Variants in AFF2 observed in about 807,000 individuals in gnomAD.
The protein encoded by AFF2 is AF4/FMR2 family member 2.
AFF2 carries 14 observed loss-of-function variants against 76.9 expected under a neutral mutation model. That is an observed-to-expected ratio of 0.18 (90% CI 0.12 to 0.28). The LOEUF (loss-of-function observed/expected upper bound fraction) is 0.28. AFF2 is among the 10% of genes least tolerant of loss of function. AFF2 has a pLI of 1.00. For synonymous variants in AFF2, 398 were observed against 366.7 expected, an observed-to-expected ratio of 1.09 and a Z score of -0.98; for missense variants, 868 against 1,001.1, an observed-to-expected ratio of 0.87 and a Z score of 1.79.
At chrX:148,988,356 G>A (rs1051421795) in intron 20 of AFF2, among the ~76,000 whole-genome samples, 3 of 112,055 alleles carry the variant, frequency 2.7e-5, no homozygotes, top group East Asian at 2.8e-4. Context: ...CTACTGTATC[G>A]CTGAGCATGT....
chrX:148,629,839 G>A (rs782520674), intron 1 of AFF2, among the ~76,000 whole-genome samples: 1 of 111,580 alleles, frequency 9.0e-6, no homozygotes, highest in African/African-American at 3.3e-5. Flanking sequence ...AGTAAAGCTT[G>A]CTTCCCTGTG....
At chrX:148,889,678 T>C (rs1393589200) in intron 8 of AFF2, among the ~76,000 whole-genome samples, 5 of 111,821 alleles carry the variant, frequency 4.5e-5, no homozygotes, top group Middle Eastern at 4.6e-3. Flanking sequence ...AGCAGACATA[T>C]GCATGCTGTT....
intron 9 of AFF2, among the ~76,000 whole-genome samples, chrX:148,948,680 G>T (rs2124341002): frequency 9.0e-6 from 1 of 111,040 alleles, no homozygotes; most frequent in South Asian, 3.9e-4. Context: ...CAGGATCATT[G>T]TGCCTGTGGA....
At chrX:148,624,332 C>T (rs907074705) in intron 1 of AFF2, among the ~76,000 whole-genome samples, 6 of 111,148 alleles carry the variant, frequency 5.4e-5, no homozygotes, top group Non-Finnish European at 1.1e-4. Flanking sequence ...TGTTTGATTC[C>T]AACATAACTT....
chrX:148,524,123 CTGTG>C lies in AFF2; in HGVS notation c.47+23010_47+23013del, dbSNP rs59890095. Among the ~76,000 whole-genome samples, 500 of 83,251 alleles carry C rather than the reference CTGTG, an allele frequency of 6.0e-3. 2 individuals carry two copies. The highest frequency in any genetic ancestry group is 9.7e-3 in the East Asian group (21 of 2,165). 72.3% of individuals were successfully genotyped at this position (83,251 alleles called of 115,157 possible). On this transcript the variant is annotated intron_variant, in intron 1 of 20. Transcript: ENST00000370460. The stretch of plus-strand genomic sequence containing the variant: ...TCTCTCTCTCTCTCTCTCTCTCTCT[CTGTG>C]TGTGTGTGTGTGTGTGTGTGTGTGT...
intron 9 of AFF2, among the ~76,000 whole-genome samples, chrX:148,951,041 C>T (rs2071960290): frequency 9.0e-6 from 1 of 111,551 alleles, no homozygotes; most frequent in African/African-American, 3.3e-5. Flanking sequence ...CCAGATCCCA[C>T]TGAGAATATT....
At chrX:148,859,911 C>G (rs1206768219) in intron 7 of AFF2, among the ~76,000 whole-genome samples, 1 of 110,812 alleles carries the variant, frequency 9.0e-6, no homozygotes, top group Non-Finnish European at 1.9e-5. Context: ...TGTTGGTTTG[C>G]TGCACCCATC....
At chrX:148,679,968 T>C (rs920859836) in intron 3 of AFF2, among the ~76,000 whole-genome samples, 2 of 112,428 alleles carry the variant, frequency 1.8e-5, no homozygotes, top group Non-Finnish European at 3.8e-5. Context: ...GTTTATAATC[T>C]TGATAAATGC....
chrX:148,738,970 T>C (rs1405007934), intron 3 of AFF2, among the ~76,000 whole-genome samples: 3 of 112,153 alleles, frequency 2.7e-5, no homozygotes, highest in African/African-American at 9.7e-5. Context: ...TATTCCACCA[T>C]GGTCTGAGAG....
At chrX:148,511,716 C>G (rs2052484437) in intron 1 of AFF2, among the ~76,000 whole-genome samples, 1 of 112,693 alleles carries the variant, frequency 8.9e-6, no homozygotes, top group Non-Finnish European at 1.9e-5. Context: ...GGGGTACACC[C>G]CTAACTTTCT....
chrX:148,821,552 T>A (rs1216153536), intron 4 of AFF2, among the ~76,000 whole-genome samples: 1 of 110,868 alleles, frequency 9.0e-6, no homozygotes, highest in Non-Finnish European at 1.9e-5. Context: ...ATGTGCCATC[T>A]CCTCCTCTGC....
intron 19 of AFF2, among the ~76,000 whole-genome samples, chrX:148,987,129 AG>A: frequency 9.0e-6 from 1 of 111,331 alleles, no homozygotes; most frequent in African/African-American, 3.3e-5. Context: ...CCCTGGAAAA[AG>A]CTATTGTGTT....
chrX:148,805,751 G>T (rs1394591747), intron 3 of AFF2, among the ~76,000 whole-genome samples: 1 of 112,568 alleles, frequency 8.9e-6, no homozygotes, highest in South Asian at 3.7e-4. Context: ...ACATGGGGTG[G>T]CAGCCTGCAC....
chrX:148,656,882 G>A (rs1431145118), intron 2 of AFF2, among the ~76,000 whole-genome samples: 5 of 111,479 alleles, frequency 4.5e-5, no homozygotes, highest in Non-Finnish European at 9.4e-5. Flanking sequence ...CTTGCATCCA[G>A]TTCTGTATGA....
At chrX:148,553,696 G>A (rs1289551799) in intron 1 of AFF2, among the ~76,000 whole-genome samples, 1 of 111,401 alleles carries the variant, frequency 9.0e-6, no homozygotes, top group South Asian at 3.8e-4. Flanking sequence ...AACTGTAGCT[G>A]AGCCTCTATC....
chrX:148,634,096 A>G (rs782045145), intron 1 of AFF2, among the ~76,000 whole-genome samples: 9 of 111,713 alleles, frequency 8.1e-5, no homozygotes, highest in African/African-American at 2.9e-4. Context: ...TTTGATCTCA[A>G]TACCCTCTAA....
At chrX:148,797,440 A>G (rs1333017050) in intron 3 of AFF2, among the ~76,000 whole-genome samples, 3 of 112,140 alleles carry the variant, frequency 2.7e-5, no homozygotes, top group African/African-American at 9.7e-5. Context: ...GATGTCCACC[A>G]TACTCAGAGG....
At chrX:148,652,320 T>G (rs1173279925) in intron 2 of AFF2, among the ~76,000 whole-genome samples, 189 bp downstream of exon 2, 1 of 112,096 alleles carries the variant, frequency 8.9e-6, no homozygotes, top group Non-Finnish European at 1.9e-5. Context: ...AAATTTCATC[T>G]TCTTTTGGGA....
At chrX:148,549,085 C>T (rs191500598) in intron 1 of AFF2, among the ~76,000 whole-genome samples, 4 of 111,905 alleles carry the variant, frequency 3.6e-5, no homozygotes, top group African/African-American at 6.5e-5. Context: ...CCATTCTAGG[C>T]GAGTGAAAAT....
Sources: gnomAD v4.1 joint callset for allele counts (sites outside exome capture counted in the v4.1 genomes callset) on GRCh38, gnomAD v4.1.1 for gene constraint, MANE v1.5 for transcripts, NCBI Gene and HGNC (gene_info 2026-07-23, HGNC 2026-07-21) for gene names.